The following C1orf202 variants were observed in gnomAD, a reference collection of about 807,000 sequenced individuals.
C1orf202 encodes uncharacterized protein C1orf202.
chr1:244,729,728 G>A, the C1orf202 span, among the ~76,000 whole-genome samples: 4 of 152,080 alleles, frequency 2.6e-5, no homozygotes, highest in African/African-American at 9.7e-5. Context: ...TATTGATGAG[G>A]AAAAGGAAGA....
At chr1:244,730,484 G>A in the C1orf202 span, 1 of 345,242 alleles carries the variant, frequency 2.9e-6, no homozygotes, top group Middle Eastern at 7.7e-4. Context: ...GCGCGCGGGG[G>A]CGGCCTGCGC....
At chr1:244,730,410 C>T in the C1orf202 span, 1 of 358,790 alleles carries the variant, frequency 2.8e-6, no homozygotes, top group African/African-American at 2.1e-5. Flanking sequence ...AAAAAACAAT[C>T]CTGAGCGTGC....
the C1orf202 span, chr1:244,730,182 C>CG: frequency 9.3e-6 from 2 of 215,062 alleles, no homozygotes; most frequent in Non-Finnish European, 1.8e-5. Context: ...AACTGCGCAG[C>CG]GGGGGGAACC....
the C1orf202 span, chr1:244,730,714 T>C: frequency 2.3e-5 from 9 of 383,486 alleles, no homozygotes; most frequent in Admixed American, 1.8e-4. Context: ...GCGCGTGAGC[T>C]TGCCTGAGCT....
At chr1:244,730,821 G>T in the C1orf202 span, 1 of 378,688 alleles carries the variant, frequency 2.6e-6, no homozygotes, top group Non-Finnish European at 4.7e-6. Flanking sequence ...ACCGCCTCCG[G>T]ATCCCCGCGC....
chr1:244,730,035 C>T, the C1orf202 span: 1 of 131,732 alleles, frequency 7.6e-6, no homozygotes, highest in South Asian at 2.7e-4. Flanking sequence ...GCCCGGGCAA[C>T]ATAGTTGGTT....
chr1:244,730,330 A>G, the C1orf202 span: 140 of 272,010 alleles, frequency 5.1e-4, 1 homozygote, highest in South Asian at 2.0e-3. Flanking sequence ...CATCCCCCCA[A>G]CATTGCATGT....
At chr1:244,730,994 G>A in the C1orf202 span, 34 of 347,346 alleles carry the variant, frequency 9.8e-5, no homozygotes, top group East Asian at 1.4e-3. Flanking sequence ...CAACAACGCT[G>A]CCGCCTCCAG....
At chr1:244,730,352 T>C in the C1orf202 span, 3 of 299,534 alleles carry the variant, frequency 1.0e-5, no homozygotes, top group Non-Finnish European at 6.1e-6. Flanking sequence ...CTTTCATTCC[T>C]ACGGTGCTGG....
At chr1:244,730,770 C>G in the C1orf202 span, 3 of 380,858 alleles carry the variant, frequency 7.9e-6, no homozygotes, top group East Asian at 1.1e-4. Flanking sequence ...CACCAGCACC[C>G]AGAGCAGGAG....
At chr1:244,730,875 C>G in the C1orf202 span, 2 of 385,506 alleles carry the variant, frequency 5.2e-6, no homozygotes, top group Non-Finnish European at 9.2e-6. Context: ...TCCAGCAGCT[C>G]GTGCTGCGCG....
At chr1:244,729,915 A>G in the C1orf202 span, 3 of 151,680 alleles carry the variant, frequency 2.0e-5, no homozygotes, top group South Asian at 6.2e-4. Flanking sequence ...GAAGCTCAGC[A>G]TCCTGCTTTA....
At chr1:244,730,810 G>T in the C1orf202 span, 1 of 377,846 alleles carries the variant, frequency 2.6e-6, no homozygotes, top group East Asian at 3.8e-5. Context: ...CGCGCCGCCC[G>T]ACCGCCTCCG....
At chr1:244,730,608 G>A in the C1orf202 span, 5 of 383,196 alleles carry the variant, frequency 1.3e-5, no homozygotes, top group Non-Finnish European at 2.3e-5. Flanking sequence ...TCCTTGCGCC[G>A]CAGGTAGCGC....
the C1orf202 span, chr1:244,730,918 C>T: frequency 4.3e-4 from 167 of 384,518 alleles, no homozygotes; most frequent in African/African-American, 3.3e-3. Flanking sequence ...ACCGGGGGGC[C>T]GCCATGGCCC....
chr1:244,730,835 G>T, the C1orf202 span: 21 of 379,158 alleles, frequency 5.5e-5, no homozygotes, highest in African/African-American at 4.2e-4. Flanking sequence ...CCCGCGCGGA[G>T]GGGGGCCCCG....
At chr1:244,730,813 C>T in the C1orf202 span, 2 of 378,304 alleles carry the variant, frequency 5.3e-6, no homozygotes, top group East Asian at 3.8e-5. Context: ...GCCGCCCGAC[C>T]GCCTCCGGAT....
the C1orf202 span, chr1:244,730,756 C>T: frequency 2.1e-5 from 8 of 381,674 alleles, no homozygotes; most frequent in Admixed American, 4.5e-5. Flanking sequence ...ACAGCCGCCG[C>T]CAGCACCAGC....
the C1orf202 span, chr1:244,730,718 C>T: frequency 2.6e-6 from 1 of 384,162 alleles, no homozygotes; most frequent in African/African-American, 2.1e-5. Flanking sequence ...GTGAGCTTGC[C>T]TGAGCTTCTT....
Sources: gnomAD v4.1 joint callset for allele counts (sites outside exome capture counted in the v4.1 genomes callset) on GRCh38, gnomAD v4.1.1 for gene constraint, MANE v1.5 for transcripts, NCBI Gene and HGNC (gene_info 2026-07-23, HGNC 2026-07-21) for gene names.